TSPAN18: variants seen among roughly 807,000 people sequenced by gnomAD.
The protein encoded by TSPAN18 is tetraspanin 18.
In TSPAN18, 14 loss-of-function variants were observed where a neutral mutation model predicts 27.3. The ratio of observed to expected loss-of-function variants is 0.51; its 90% CI spans 0.34 to 0.80. The LOEUF (loss-of-function observed/expected upper bound fraction) is 0.80. Among genes scored for constraint, TSPAN18 ranks in the 30% least tolerant of loss-of-function variants. The pLI is 0.01. For synonymous variants in TSPAN18, 143 were observed against 136.5 expected (o/e 1.05, Z -0.33); for missense variants, 268 against 323.9 (o/e 0.83, Z 1.32).
At chr11:44,787,603 G>A (rs1399360689) in intron 2 of TSPAN18, among the ~76,000 whole-genome samples, 1 of 152,218 alleles carries the variant, frequency 6.6e-6, no homozygotes, top group Non-Finnish European at 1.5e-5. Flanking sequence ...TCTGTATAGT[G>A]TAAATAATAA....
At chr11:44,758,578 G>A (rs147566477) in intron 1 of TSPAN18, among the ~76,000 whole-genome samples, 9 of 152,326 alleles carry the variant, frequency 5.9e-5, no homozygotes, top group Middle Eastern at 3.4e-3. Flanking sequence ...CCTTTTTACA[G>A]AAAGTAGCGG....
Position 44,908,769 on chromosome 11 carries a change from G to GAAAGGAAAGAAAGAAAGAAAGAA in TSPAN18, c.64-935_64-934insAAGGAAAGAAAGAAAGAAAGAAA, listed in dbSNP as rs1554938043. On this transcript the variant is annotated intron_variant, in intron 4 of 9. Coordinates refer to ENST00000520358, the MANE Select transcript of TSPAN18 (RefSeq NM_130783.5). ...AAGAGAGAGAGAGAGAGAGAGAAAG[G>GAAAGGAAAGAAAGAAAGAAAGAA]AGAAAGAAAGAAAGAAAGAAAGAAA... 7.7e-4 allele frequency among the ~76,000 whole-genome samples: 55 copies of GAAAGGAAAGAAAGAAAGAAAGAA among 71,696 alleles called. 6 individuals carry two copies. The highest frequency in any genetic ancestry group is 3.9e-3 in the East Asian group (9 of 2,296). The allele number at this position is 71,696 out of a possible 152,430, so 47.0% of individuals were successfully genotyped here.
chr11:44,902,221 C>G (rs1859288793), intron 3 of TSPAN18, among the ~76,000 whole-genome samples: 1 of 152,190 alleles, frequency 6.6e-6, no homozygotes, highest in African/African-American at 2.4e-5. Flanking sequence ...GCGGGGAGCC[C>G]TTTACACTGG....
At chr11:44,793,750 G>A (rs765490053) in intron 2 of TSPAN18, among the ~76,000 whole-genome samples, 3 of 152,188 alleles carry the variant, frequency 2.0e-5, no homozygotes, top group African/African-American at 4.8e-5. Context: ...GCTGGGGAAC[G>A]TCCTCCTGTT....
At chr11:44,798,248 C>G (rs1008598746) in intron 2 of TSPAN18, among the ~76,000 whole-genome samples, 5 of 152,342 alleles carry the variant, frequency 3.3e-5, no homozygotes, top group Middle Eastern at 3.4e-3. Flanking sequence ...AGCAGCTTCA[C>G]TTACTCAATC....
At chr11:44,775,074 C>G (rs1855773533) in intron 2 of TSPAN18, among the ~76,000 whole-genome samples, 1 of 152,160 alleles carries the variant, frequency 6.6e-6, no homozygotes, top group East Asian at 1.9e-4. Context: ...GTTGGACACT[C>G]AGCTGTGTCT....
At chr11:44,897,692 C>A in intron 3 of TSPAN18, 1 of 1,146,168 alleles carries the variant, frequency 8.7e-7, no homozygotes, top group Non-Finnish European at 1.2e-6. Context: ...CAGCTCCTTT[C>A]ATGGGGCTGC....
intron 2 of TSPAN18, among the ~76,000 whole-genome samples, chr11:44,800,552 C>A (rs751853761): frequency 6.6e-6 from 1 of 152,190 alleles, no homozygotes; most frequent in Non-Finnish European, 1.5e-5. Flanking sequence ...ATGAAGTTCC[C>A]CTTCCATAGG....
intron 8 of TSPAN18, 33 bp downstream of exon 8, chr11:44,920,032 G>T (rs771047410): frequency 1.9e-6 from 3 of 1,594,232 alleles, no homozygotes; most frequent in African/African-American, 2.7e-5. Flanking sequence ...AGGGGAGTGG[G>T]TCTATCGGGA....
intron 3 of TSPAN18, among the ~76,000 whole-genome samples, chr11:44,873,232 G>A (rs1304250193): frequency 2.8e-4 from 42 of 152,188 alleles, no homozygotes; most frequent in Admixed American, 2.6e-3. Context: ...CCAGCACTTC[G>A]TGGCAACCTG....
chr11:44,738,823 C>A (rs1234149535), intron 1 of TSPAN18, among the ~76,000 whole-genome samples: 1 of 152,206 alleles, frequency 6.6e-6, no homozygotes, highest in Non-Finnish European at 1.5e-5. Flanking sequence ...GTAACATCTT[C>A]TAATTCAGTA....
At chr11:44,861,712 T>C (rs1857891298) in intron 3 of TSPAN18, among the ~76,000 whole-genome samples, 1 of 151,510 alleles carries the variant, frequency 6.6e-6, no homozygotes, top group African/African-American at 2.4e-5. Context: ...GTTGGGATTC[T>C]TCCTGTGATT....
At chr11:44,772,753 G>T (rs984621727) in intron 2 of TSPAN18, among the ~76,000 whole-genome samples, 1 of 152,120 alleles carries the variant, frequency 6.6e-6, no homozygotes, top group Non-Finnish European at 1.5e-5. Flanking sequence ...CCGCCTCCCC[G>T]GTTCAAGTGA....
chr11:44,776,617 G>A (rs895655120), intron 2 of TSPAN18, among the ~76,000 whole-genome samples: 1 of 147,574 alleles, frequency 6.8e-6, no homozygotes, highest in South Asian at 2.1e-4. Flanking sequence ...CTGAGTGTTG[G>A]TGGTTTTACA....
At chr11:44,894,793 C>T (rs544025382) in intron 3 of TSPAN18, among the ~76,000 whole-genome samples, 11 of 152,358 alleles carry the variant, frequency 7.2e-5, no homozygotes, top group African/African-American at 2.2e-4. Context: ...GCCTCTGTGC[C>T]TCGCTGCCTG....
chr11:44,876,936 G>C (rs2135249458), intron 3 of TSPAN18, among the ~76,000 whole-genome samples: 1 of 152,342 alleles, frequency 6.6e-6, no homozygotes, highest in African/African-American at 2.4e-5. Flanking sequence ...GTTTCACGGA[G>C]CTGGGACTGG....
chr11:44,752,080 C>T (rs955952093), intron 1 of TSPAN18, among the ~76,000 whole-genome samples: 11 of 152,146 alleles, frequency 7.2e-5, no homozygotes, highest in Admixed American at 1.3e-4. Flanking sequence ...AACTCTAGCA[C>T]TAGGCCCCAA....
At chr11:44,800,710 C>T (rs1856461110) in intron 2 of TSPAN18, among the ~76,000 whole-genome samples, 1 of 152,200 alleles carries the variant, frequency 6.6e-6, no homozygotes, top group Non-Finnish European at 1.5e-5. Context: ...ACAGATTTGG[C>T]CCAACCCCCT....
rs11827216 is a variant in TSPAN18, at chr11:44,854,510, C to T, written c.-152-5818C>T. On this transcript the variant is annotated intron_variant, in intron 2 of 9. Transcript: ENST00000520358. ...TCACTGCAAACTTTGCCACCAGTCC[C>T]CTCCTGCACCCTCTTAGACTGTGTT... Among the ~76,000 whole-genome samples the T allele has an allele frequency of 8.2e-4, 125 of 152,326 alleles. 1 individual carries two copies. In the Middle Eastern group the frequency reaches 0.01, roughly 12 times the overall value.
Sources: allele counts gnomAD v4.1 joint callset (sites outside exome capture counted in the v4.1 genomes callset), GRCh38; gene constraint gnomAD v4.1.1; transcripts MANE v1.5; gene names NCBI Gene and HGNC (gene_info 2026-07-23, HGNC 2026-07-21).